Variants in SDK1 observed in about 807,000 individuals in gnomAD.
SDK1 encodes the protein sidekick cell adhesion molecule 1.
In SDK1, 157 loss-of-function variants were observed where a neutral mutation model predicts 245.5. The ratio of observed to expected loss-of-function variants is 0.64; its 90% CI spans 0.56 to 0.73. SDK1 has a LOEUF of 0.73. Ranked by LOEUF, SDK1 falls within the 30% of genes least tolerant of loss-of-function variation. The probability of loss-of-function intolerance (pLI) is 0.00; values close to 1 mark genes in which losing one functional copy is unlikely to be tolerated. For synonymous variants in SDK1, 1,647 were observed against 1,278.5 expected, an observed-to-expected ratio of 1.29 and a Z score of -6.15; for missense variants, 3,583 against 3,002.3, an observed-to-expected ratio of 1.19 and a Z score of -4.52.
intron 9 of SDK1, among the ~76,000 whole-genome samples, chr7:3,965,865 A>G (rs931502617): frequency 1.2e-4 from 18 of 151,934 alleles, no homozygotes; most frequent in African/African-American, 4.4e-4. Context: ...TGCGCATTGC[A>G]TGGGCTGGAG....
chr7:3,392,978 TTTC>T lies in SDK1; in HGVS notation c.298+91097_298+91099del, dbSNP rs1420060674. Among the ~76,000 whole-genome samples, 33 of 137,668 alleles carry T rather than the reference TTTC, an allele frequency of 2.4e-4. 1 individual carries two copies. The highest frequency in any genetic ancestry group is 9.0e-4 in the African/African-American group (32 of 35,704). 90.3% of individuals were successfully genotyped at this position (137,668 alleles called of 152,430 possible). On this transcript the variant is annotated intron_variant, in intron 1 of 44. Transcript: ENST00000404826. ...TGTTTTAAATTTTTTTTTTTTTTTT[TTTC>T]TTTTTTGAGATGGAGTTTTGCTCTT...
intron 9 of SDK1, 45 bp downstream of exon 9, chr7:3,962,896 G>A (rs1034448514): frequency 7.0e-7 from 1 of 1,431,916 alleles, no homozygotes. Context: ...GACGTATCCA[G>A]TGAGTACACT....
At chr7:3,553,635 T>C (rs1327398787) in intron 1 of SDK1, among the ~76,000 whole-genome samples, 1 of 152,184 alleles carries the variant, frequency 6.6e-6, no homozygotes, top group Non-Finnish European at 1.5e-5. Context: ...GGAAATACTC[T>C]TCTTTCTTGC....
intron 1 of SDK1, among the ~76,000 whole-genome samples, chr7:3,432,800 A>T (rs1001550127): frequency 6.6e-6 from 1 of 152,212 alleles, no homozygotes; most frequent in African/African-American, 2.4e-5. Flanking sequence ...TGGCAACAAA[A>T]TTCTTTTATA....
chr7:3,847,191 G>T (rs1050170689), intron 5 of SDK1, among the ~76,000 whole-genome samples: 4 of 151,868 alleles, frequency 2.6e-5, no homozygotes, highest in African/African-American at 4.8e-5. Context: ...CTTTACTCCT[G>T]GAACTCACAT....
chr7:3,930,873 A>G (rs1227096784), intron 5 of SDK1, among the ~76,000 whole-genome samples: 2 of 152,206 alleles, frequency 1.3e-5, no homozygotes, highest in African/African-American at 2.4e-5. Context: ...AAGAAAAGAT[A>G]TTTATAAATG....
At chr7:3,659,606 T>G (rs543638337) in intron 4 of SDK1, among the ~76,000 whole-genome samples, 2 of 152,080 alleles carry the variant, frequency 1.3e-5, no homozygotes, top group Admixed American at 1.3e-4. Context: ...TTGTGCTGGG[T>G]TTTGTCTGTG....
intron 4 of SDK1, among the ~76,000 whole-genome samples, chr7:3,781,654 A>G (rs185802803): frequency 6.6e-6 from 1 of 152,178 alleles, no homozygotes; most frequent in African/African-American, 2.4e-5. Flanking sequence ...ACAAGAATCT[A>G]TGGATAGAAA....
In SDK1 at chr7:3,908,586, TCTTC is replaced by T. The variant is rs201799199; in HGVS notation, c.848-42325_848-42322del. ...CCATCTGGTACAGCCACCATTCATC[TCTTC>T]CTTCCTTCCTTTAAATATTCCGCAA... On this transcript the variant is annotated intron_variant, in intron 5 of 44. Coordinates refer to ENST00000404826, the MANE Select transcript of SDK1 (RefSeq NM_152744.4). Among the ~76,000 whole-genome samples the T allele has an allele frequency of 9.7e-3, 1,480 of 152,198 alleles. 33 individuals are homozygous for T. Among genetic ancestry groups the T allele is most frequent in the African/African-American group, 0.034 (1,393 of 41,514 alleles).
intron 5 of SDK1, among the ~76,000 whole-genome samples, chr7:3,841,633 C>G (rs1291636899): frequency 6.6e-6 from 1 of 151,658 alleles, no homozygotes; most frequent in Non-Finnish European, 1.5e-5. Flanking sequence ...GTGGCGCAAT[C>G]TCGGCTCACT....
chr7:4,164,955 C>T (rs1781407633), intron 32 of SDK1, among the ~76,000 whole-genome samples: 5 of 152,210 alleles, frequency 3.3e-5, no homozygotes, highest in Admixed American at 3.3e-4. Context: ...GAGTAATTTA[C>T]TGCATTAGAA....
chr7:3,910,007 G>A (rs1339308518), intron 5 of SDK1, among the ~76,000 whole-genome samples: 6 of 152,256 alleles, frequency 3.9e-5, no homozygotes, highest in East Asian at 3.9e-4. Context: ...TAATAAAAGC[G>A]CTCATGGATG....
intron 22 of SDK1, among the ~76,000 whole-genome samples, chr7:4,087,479 G>GCACACACACA (rs10660112): frequency 1.6e-4 from 24 of 150,254 alleles, no homozygotes; most frequent in African/African-American, 5.6e-4. Flanking sequence ...ACACACGCGC[G>GCACACACACA]CACACACACA....
chr7:3,938,881 G>T (rs56763384), intron 5 of SDK1, among the ~76,000 whole-genome samples: 2 of 152,188 alleles, frequency 1.3e-5, no homozygotes, highest in Admixed American at 1.3e-4. Context: ...AAAAGCTGAA[G>T]AAGATACATT....
chr7:3,773,466 T>C (rs1780459951), intron 4 of SDK1, among the ~76,000 whole-genome samples: 1 of 152,200 alleles, frequency 6.6e-6, no homozygotes, highest in African/African-American at 2.4e-5. Context: ...CATCTGCCTT[T>C]ATTTCTTTGA....
chr7:3,891,883 A>G (rs1781468383), intron 5 of SDK1, among the ~76,000 whole-genome samples: 1 of 152,164 alleles, frequency 6.6e-6, no homozygotes, highest in Admixed American at 6.5e-5. Context: ...TGTATTTGCA[A>G]AGCAGTGAGT....
chr7:3,417,715 G>T (rs1779413611), intron 1 of SDK1, among the ~76,000 whole-genome samples: 1 of 152,108 alleles, frequency 6.6e-6, no homozygotes. Context: ...TACATAAAGT[G>T]TTTAGTGCAG....
chr7:3,585,265 T>G (rs1284505281), intron 1 of SDK1, among the ~76,000 whole-genome samples: 1 of 152,078 alleles, frequency 6.6e-6, no homozygotes, highest in African/African-American at 2.4e-5. Flanking sequence ...ACATTGAGCT[T>G]TAAGAGTGGC....
At chr7:3,959,144 T>G (rs1310918199) in intron 8 of SDK1, 130 bp downstream of exon 8, 1 of 750,330 alleles carries the variant, frequency 1.3e-6, no homozygotes, top group Admixed American at 2.2e-5. Flanking sequence ...CTTCAGAGAG[T>G]AGATCGGTCT....
Sources: gnomAD v4.1 joint callset for allele counts (sites outside exome capture counted in the v4.1 genomes callset) on GRCh38, gnomAD v4.1.1 for gene constraint, MANE v1.5 for transcripts, NCBI Gene and HGNC (gene_info 2026-07-23, HGNC 2026-07-21) for gene names.